The following BCAS4 variants were observed in gnomAD, a reference collection of about 807,000 sequenced individuals.
The protein encoded by BCAS4 is breast carcinoma amplified sequence 4, also known as breast carcinoma-amplified sequence 4.
Under a neutral mutation model 15.7 loss-of-function variants are expected in BCAS4, and 9 were observed. The observed-to-expected ratio is 0.57, with a 90% CI of 0.34 to 1.00. The LOEUF (loss-of-function observed/expected upper bound fraction) is 1.00. Among genes scored for constraint, BCAS4 ranks in the 50% least tolerant of loss-of-function variants. The probability of loss-of-function intolerance (pLI) is 0.02; values close to 1 mark genes in which losing one functional copy is unlikely to be tolerated. For synonymous variants in BCAS4, 101 were observed against 99.5 expected (o/e 1.02, Z -0.09); for missense variants, 225 against 239.1 (o/e 0.94, Z 0.39).
At chr20:50,812,433 CTT>C (rs754781964) in intron 1 of BCAS4, among the ~76,000 whole-genome samples, 19 of 122,476 alleles carry the variant, frequency 1.6e-4, no homozygotes, top group Admixed American at 1.7e-4. Flanking sequence ...TGCGTCTGGC[CTT>C]TTTTTTTTTT....
chr20:50,796,837 A>ATT (rs540602377), intron 1 of BCAS4, among the ~76,000 whole-genome samples: 28 of 141,080 alleles, frequency 2.0e-4, no homozygotes, highest in East Asian at 8.4e-4. Flanking sequence ...GACGTTTTTA[A>ATT]TTTTTTTTTT....
At chr20:50,860,293 TG>T (rs1398012122) in intron 4 of BCAS4, among the ~76,000 whole-genome samples, 7 of 152,186 alleles carry the variant, frequency 4.6e-5, no homozygotes, top group African/African-American at 1.7e-4. Context: ...CATTTGCATA[TG>T]GCATAAGTCC....
intron 3 of BCAS4, among the ~76,000 whole-genome samples, chr20:50,839,420 A>C (rs996583186): frequency 1.3e-5 from 2 of 152,212 alleles, no homozygotes; most frequent in African/African-American, 2.4e-5. Flanking sequence ...TTTTCGTAAA[A>C]TCTGAATGTC....
At chr20:50,833,965 G>A (rs2088375529) in intron 3 of BCAS4, among the ~76,000 whole-genome samples, 1 of 152,162 alleles carries the variant, frequency 6.6e-6, no homozygotes, top group Non-Finnish European at 1.5e-5. Flanking sequence ...TTTGGTGCAG[G>A]AATCCTGGGG....
intron 4 of BCAS4, among the ~76,000 whole-genome samples, chr20:50,854,543 A>C (rs1426843737): frequency 6.6e-6 from 1 of 152,160 alleles, no homozygotes; most frequent in Admixed American, 6.5e-5. Context: ...CTGAGGCAGC[A>C]GGAGGTGGAG....
intron 4 of BCAS4, among the ~76,000 whole-genome samples, chr20:50,858,532 C>T (rs1978888271): frequency 6.6e-6 from 1 of 151,972 alleles, no homozygotes; most frequent in African/African-American, 2.4e-5. Context: ...AAACCAAGAG[C>T]CAGAGGTTGC....
At chr20:50,838,229 G>A (rs941860108) in intron 3 of BCAS4, among the ~76,000 whole-genome samples, 1 of 152,234 alleles carries the variant, frequency 6.6e-6, no homozygotes, top group African/African-American at 2.4e-5. Context: ...CCAGGCTCTG[G>A]TCTTGGCCTG....
At chr20:50,830,451 C>T (rs183189482) in intron 3 of BCAS4, 71 bp downstream of exon 3, 42 of 1,307,478 alleles carry the variant, frequency 3.2e-5, no homozygotes, top group African/African-American at 1.8e-4. Flanking sequence ...GCAAAGACGC[C>T]GATCTGGCCT....
intron 4 of BCAS4, among the ~76,000 whole-genome samples, chr20:50,848,922 G>T (rs1011453408): frequency 6.6e-6 from 1 of 152,274 alleles, no homozygotes; most frequent in East Asian, 1.9e-4. Context: ...TGCTAGAGGG[G>T]GCAGCCATCA....
chr20:50,856,148 A>C (rs894510150), intron 4 of BCAS4, among the ~76,000 whole-genome samples: 1 of 152,212 alleles, frequency 6.6e-6, no homozygotes, highest in Non-Finnish European at 1.5e-5. Flanking sequence ...TTCTGGAATC[A>C]AGCAGTGTGC....
intron 2 of BCAS4, among the ~76,000 whole-genome samples, chr20:50,827,747 G>A (rs2088293982): frequency 6.6e-6 from 1 of 152,166 alleles, no homozygotes; most frequent in African/African-American, 2.4e-5. Context: ...TTGTTTTAGA[G>A]ACAGGGTCTT....
intron 4 of BCAS4, among the ~76,000 whole-genome samples, chr20:50,859,751 A>C (rs2145689): frequency 0.45 from 67,759 of 152,014 alleles, 18,139 homozygotes; most frequent in African/African-American, 0.77. Flanking sequence ...GGGGGGCAGG[A>C]GGAGGTGGGG....
intron 3 of BCAS4, chr20:50,840,924 G>T: frequency 1.7e-6 from 1 of 578,862 alleles, no homozygotes; most frequent in East Asian, 3.1e-5. Flanking sequence ...CCGCCTCCCG[G>T]GTTCAAGTAA....
At chr20:50,827,251 A>G (rs1030557549) in intron 2 of BCAS4, among the ~76,000 whole-genome samples, 1 of 152,176 alleles carries the variant, frequency 6.6e-6, no homozygotes, top group East Asian at 1.9e-4. Flanking sequence ...CATGCTGGTC[A>G]GGTGTTTCGT....
chr20:50,855,935 C>G (rs1978736247), intron 4 of BCAS4, among the ~76,000 whole-genome samples: 1 of 152,262 alleles, frequency 6.6e-6, no homozygotes, highest in Non-Finnish European at 1.5e-5. Context: ...ATGCATCTCA[C>G]TTCCATGCCT....
intron 4 of BCAS4, among the ~76,000 whole-genome samples, chr20:50,875,296 G>A (rs775254461): frequency 3.3e-5 from 5 of 151,720 alleles, no homozygotes; most frequent in Non-Finnish European, 5.9e-5. Flanking sequence ...GCAGGAGCCC[G>A]CCAGCCAGCG....
intron 4 of BCAS4, among the ~76,000 whole-genome samples, chr20:50,862,615 C>T (rs1383345725): frequency 6.6e-6 from 1 of 152,148 alleles, no homozygotes; most frequent in African/African-American, 2.4e-5. Flanking sequence ...GAAGAGGCTG[C>T]CAGGGCTCCC....
At chr20:50,875,427 A>G (rs1338307559) in intron 4 of BCAS4, among the ~76,000 whole-genome samples, 1 of 152,160 alleles carries the variant, frequency 6.6e-6, no homozygotes, top group Non-Finnish European at 1.5e-5. Flanking sequence ...GCACATGCCT[A>G]TGGCAGGAAC....
At chr20:50,860,677 A>T (rs1600896751) in intron 4 of BCAS4, among the ~76,000 whole-genome samples, 1 of 152,088 alleles carries the variant, frequency 6.6e-6, no homozygotes, top group African/African-American at 2.4e-5. Context: ...GGAGTTCAAG[A>T]CCAGCCTGGC....
Sources: gnomAD v4.1 joint callset for allele counts (sites outside exome capture counted in the v4.1 genomes callset) on GRCh38, gnomAD v4.1.1 for gene constraint, MANE v1.5 for transcripts, NCBI Gene and HGNC (gene_info 2026-07-23, HGNC 2026-07-21) for gene names.